C11orf97: variants seen among roughly 807,000 people sequenced by gnomAD.
The protein encoded by C11orf97 is chromosome 11 open reading frame 97.
In C11orf97, 15 loss-of-function variants were observed where a neutral mutation model predicts 16.2. That is an observed-to-expected ratio of 0.93 (90% CI 0.62 to 1.43). The LOEUF is 1.43. C11orf97 is among the 40% of genes most tolerant of loss of function. The probability of loss-of-function intolerance (pLI) is 0.00; values close to 1 mark genes in which losing one functional copy is unlikely to be tolerated. For missense variants in C11orf97, 171 were observed against 161.2 expected (o/e 1.06, Z -0.33); for synonymous variants, 61 against 65.7 (o/e 0.93, Z 0.34).
At position 94,525,147 on chromosome 11, in the gene C11orf97, G is replaced by A. The variant is rs571264514; in HGVS notation, c.251-2937G>A. Among the ~76,000 whole-genome samples, 5 of 151,534 alleles carry A rather than the reference G, an allele frequency of 3.3e-5. No individual in the cohort carries two copies. The South Asian group carries it at 1.0e-3, about 32-fold the overall frequency. ...ATGGAAATAGTGCATTTATTGTATT[G>A]TTTATTTTAAAACTATTTCTGCATT... On this transcript the variant is annotated intron_variant, in intron 2 of 3. Transcript: ENST00000542198.
chr11:94,531,015 A>G lies in C11orf97; in HGVS notation c.377-881A>G, dbSNP rs572049418. The stretch of plus-strand genomic sequence containing the variant: ...CTTTTCTTCTCTCTTTCTCATGAAC[A>G]ATGTGATCATGGTAGTTGGGACTCT... On this transcript the variant is annotated intron_variant, in intron 3 of 3. Transcript: ENST00000542198. Among the ~76,000 whole-genome samples the G allele has an allele frequency of 3.9e-5, 6 of 152,296 alleles. No homozygotes were observed. The South Asian group carries it at 1.0e-3, about 26-fold the overall frequency.
chr11:94,521,277 T>C (rs998804965), intron 2 of C11orf97, among the ~76,000 whole-genome samples: 19 of 152,384 alleles, frequency 1.2e-4, no homozygotes, highest in Middle Eastern at 3.4e-3. Context: ...GTTCAACTTA[T>C]GATTTTTCAA....
chr11:94,514,215 A>T lies in C11orf97; in HGVS notation c.145+1542A>T, dbSNP rs114646150. On this transcript the variant is annotated intron_variant, in intron 1 of 3. Transcript: ENST00000542198. The stretch of plus-strand genomic sequence containing the variant: ...TAAAAGGTGGGATTAACATTCACTC[A>T]TCAATTTAACATATTGAGTCTTTAT... Among the ~76,000 whole-genome samples the T allele has an allele frequency of 5.9e-3, 893 of 151,938 alleles. 9 individuals carry two copies. Among genetic ancestry groups the T allele is most frequent in the African/African-American group, 0.021 (851 of 41,448 alleles).
intron 3 of C11orf97, among the ~76,000 whole-genome samples, chr11:94,530,609 T>C (rs1947731819): frequency 6.6e-6 from 1 of 152,230 alleles, no homozygotes; most frequent in Admixed American, 6.5e-5. Context: ...CCTGGCACAG[T>C]AGGTGCTCAA....
At chr11:94,518,913 AT>A (rs58382418) in intron 2 of C11orf97, among the ~76,000 whole-genome samples, 27,787 of 143,968 alleles carry the variant, frequency 0.19, 2,794 homozygotes, top group East Asian at 0.28. Flanking sequence ...CCCACTTTAC[AT>A]TTTTTTTTTT....
At chr11:94,522,024 A>T (rs1947661379) in intron 2 of C11orf97, among the ~76,000 whole-genome samples, 1 of 151,758 alleles carries the variant, frequency 6.6e-6, no homozygotes, top group Non-Finnish European at 1.5e-5. Context: ...TCTGTTAAGC[A>T]CTCTTTTTAT....
Position 94,523,059 on chromosome 11 carries a change from C to T in C11orf97, c.251-5025C>T, listed in dbSNP as rs573384539. Among the ~76,000 whole-genome samples the T allele has an allele frequency of 1.1e-4, 16 of 152,130 alleles. No homozygotes were observed. In the South Asian group the frequency reaches 2.5e-3, roughly 24 times the overall value. On this transcript the variant is annotated intron_variant, in intron 2 of 3. Coordinates refer to ENST00000542198, the MANE Select transcript of C11orf97 (RefSeq NM_001190462.2). ...CACAAGCTATGTATGTTCACGTGCC[C>T]GCTGCAGGTTTTTTCTTCTCATCGT...
chr11:94,526,112 C>T (rs911469268), intron 2 of C11orf97, among the ~76,000 whole-genome samples: 3 of 152,138 alleles, frequency 2.0e-5, no homozygotes, highest in East Asian at 1.9e-4. Flanking sequence ...TTTCTGGCTC[C>T]GTGCCCGCTT....
intron 1 of C11orf97, among the ~76,000 whole-genome samples, chr11:94,514,640 CTTTTTTTTTTTTT>C (rs10562282): frequency 0.018 from 1,464 of 82,520 alleles, 39 homozygotes; most frequent in African/African-American, 0.065. Context: ...TTATTTTTGC[CTTTTTTTTTTTTT>C]TTTTTTTTTT....
chr11:94,525,792 C>T (rs1175448445), intron 2 of C11orf97, among the ~76,000 whole-genome samples: 1 of 152,140 alleles, frequency 6.6e-6, no homozygotes, highest in Non-Finnish European at 1.5e-5. Context: ...ATTTACAATC[C>T]AAAGAGAGCT....
chr11:94,514,458 G>T (rs1430927297), intron 1 of C11orf97, among the ~76,000 whole-genome samples: 1 of 152,076 alleles, frequency 6.6e-6, no homozygotes, highest in African/African-American at 2.4e-5. Flanking sequence ...GTAATTATTG[G>T]AAAAGTCTTC....
Position 94,523,400 on chromosome 11 carries a change from T to G in C11orf97, c.251-4684T>G, listed in dbSNP as rs1348176966. ...AACTCCACATACTCTGACAACAAAG[T>G]AATTGATTGTTGAAGGTGAGATTTC... On this transcript the variant is annotated intron_variant, in intron 2 of 3. Transcript: ENST00000542198. Among the ~76,000 whole-genome samples, 3 of 152,348 alleles carry G rather than the reference T, an allele frequency of 2.0e-5. No homozygotes were observed. The East Asian group carries it at 5.8e-4, about 29-fold the overall frequency.
chr11:94,522,244 C>G (rs1009124997), intron 2 of C11orf97, among the ~76,000 whole-genome samples: 1 of 152,096 alleles, frequency 6.6e-6, no homozygotes, highest in Non-Finnish European at 1.5e-5. Context: ...AAACAAAACT[C>G]ACACCTCTGG....
At chr11:94,519,422 G>GT (rs1201209064) in intron 2 of C11orf97, among the ~76,000 whole-genome samples, 1 of 141,346 alleles carries the variant, frequency 7.1e-6, no homozygotes, top group Non-Finnish European at 1.5e-5. Context: ...TTTTCCTGGT[G>GT]TTTAACATTT....
At chr11:94,519,137 T>C (rs1947637384) in intron 2 of C11orf97, among the ~76,000 whole-genome samples, 1 of 152,148 alleles carries the variant, frequency 6.6e-6, no homozygotes. Context: ...CTTGAACTCC[T>C]GACCTCGTGA....
At chr11:94,515,697 T>G (rs1947606516) in intron 1 of C11orf97, among the ~76,000 whole-genome samples, 1 of 151,738 alleles carries the variant, frequency 6.6e-6, no homozygotes, top group Admixed American at 6.6e-5. Flanking sequence ...CTTTCCTTCC[T>G]GGCCAAGTTT....
At chr11:94,521,938 C>G (rs1947660842) in intron 2 of C11orf97, among the ~76,000 whole-genome samples, 1 of 152,194 alleles carries the variant, frequency 6.6e-6, no homozygotes, top group South Asian at 2.1e-4. Flanking sequence ...CGATGGCTCT[C>G]TCCTTCAACC....
intron 3 of C11orf97, among the ~76,000 whole-genome samples, chr11:94,530,355 G>A (rs995832866): frequency 1.3e-5 from 2 of 152,144 alleles, no homozygotes; most frequent in East Asian, 1.9e-4. Flanking sequence ...CATATCATAT[G>A]AGCTGCTACT....
intron 3 of C11orf97, among the ~76,000 whole-genome samples, chr11:94,528,738 T>C (rs1444102449): frequency 6.6e-6 from 1 of 152,198 alleles, no homozygotes; most frequent in African/African-American, 2.4e-5. Context: ...CTCACTGTCA[T>C]AGCCAGTGTC....
Sources: gnomAD v4.1 joint callset for allele counts (sites outside exome capture counted in the v4.1 genomes callset) on GRCh38, gnomAD v4.1.1 for gene constraint, MANE v1.5 for transcripts, NCBI Gene and HGNC (gene_info 2026-07-23, HGNC 2026-07-21) for gene names.